IQANK1: variants seen among roughly 807,000 people sequenced by gnomAD.
IQANK1 encodes the protein IQ motif and ankyrin repeat containing 1, also known as IQ motif and ankyrin repeat domain-containing protein 1.
IQANK1 carries 30 observed loss-of-function variants against 22.6 expected under a neutral mutation model. The observed-to-expected ratio is 1.33, with a 90% CI of 0.99 to 1.80. The LOEUF is 1.80. Ranked by LOEUF, IQANK1 falls within the 40% of genes most tolerant of loss-of-function variation. IQANK1 has a pLI of 0.00. For missense variants in IQANK1, 275 were observed against 235.2 expected (o/e 1.17, Z -1.11); for synonymous variants, 122 against 99.6 (o/e 1.23, Z -1.34).
chr8:143,785,562 ATTTT>A, intron 7 of IQANK1, among the ~76,000 whole-genome samples: 1 of 136,434 alleles, frequency 7.3e-6, no homozygotes, highest in Non-Finnish European at 1.6e-5. Flanking sequence ...AGCCTTTTTT[ATTTT>A]TTATTTTCTT....
intron 7 of IQANK1, among the ~76,000 whole-genome samples, chr8:143,777,806 C>T (rs1208583416): frequency 1.3e-5 from 2 of 152,102 alleles, no homozygotes; most frequent in Non-Finnish European, 2.9e-5. Flanking sequence ...AAAAGAACCA[C>T]TGGGACCAGT....
rs1554625612 is a variant in IQANK1, at chr8:143,735,956, C to T, written c.85+18C>T. 1.4e-6 allele frequency: 1 copy of T among 702,500 alleles called. No individual in the cohort carries two copies. The highest frequency in any genetic ancestry group is 2.0e-5 in the Admixed American group (1 of 50,006). 43.5% of individuals were successfully genotyped at this position (702,500 alleles called of 1,614,324 possible). A position where few individuals can be genotyped will look rare whatever the true frequency, so the allele number is the denominator to read the frequency against. On this transcript the variant is annotated intron_variant, in intron 2 of 13. Coordinates refer to ENST00000527139, the MANE Select transcript of IQANK1 (RefSeq NM_001381874.1). The surrounding 1 kb of genome is among the most constrained non-coding windows in gnomAD (Gnocchi z 5.2). ...TGCTGCTGGTAAGTGCACCCTCTGA[C>T]CTCCAGAGCACTGTCACCCAGACAC...
intron 3 of IQANK1, chr8:143,744,577 A>G (rs1818991662): frequency 6.6e-6 from 1 of 152,076 alleles, no homozygotes; most frequent in Non-Finnish European, 1.5e-5. Flanking sequence ...TCCATCACCC[A>G]CGGTCATTAT....
chr8:143,767,702 C>A (rs1554629341), intron 3 of IQANK1, among the ~76,000 whole-genome samples: 1 of 151,584 alleles, frequency 6.6e-6, no homozygotes, highest in East Asian at 2.0e-4. Flanking sequence ...ATAGTCATGA[C>A]TTTTCTTTCA....
At chr8:143,787,339 T>TC (rs1819909646) in intron 7 of IQANK1, among the ~76,000 whole-genome samples, 1 of 152,140 alleles carries the variant, frequency 6.6e-6, no homozygotes. Context: ...AGCCTGTGGA[T>TC]CCATCAGGTG....
chr8:143,749,130 TATG>T (rs1192127017), intron 3 of IQANK1, among the ~76,000 whole-genome samples: 2 of 123,142 alleles, frequency 1.6e-5, no homozygotes, highest in Admixed American at 9.4e-5. Context: ...ATATAGCATA[TATG>T]ATATATATCA....
rs4875053 is a variant in IQANK1 at position 143,790,241 on chromosome 8, C to G, written c.1394C>G (p.Thr465Arg). 590,979 of 1,231,980 alleles carry G rather than the reference C, an allele frequency of 0.48. 151,074 individuals carry two copies. The highest frequency in any genetic ancestry group is 1 in the East Asian group (31,633 of 31,696). The allele number at this position is 1,231,980 out of a possible 1,614,324, so 76.3% of individuals were successfully genotyped here. Residue 465 changes from threonine to arginine, a missense_variant, in exon 13 of 14, where the codon ACG becomes AGG. Thr to Arg is a moderately conservative substitution (Grantham distance 71). Coordinates refer to ENST00000527139, the MANE Select transcript of IQANK1 (RefSeq NM_001381874.1). ...TVNPEPLRPETMWLALLGALR... is the reference protein window; with the variant it reads ...TVNPEPLRPERMWLALLGALR... ...AACCCGGAGCCCCTGAGGCCGGAGA[C>G]GATGTGGCTGGCTCTGCTGGGGGCT... is the stretch of plus-strand genomic sequence containing the variant.
In IQANK1 at chr8:143,774,837, G is replaced by T. The variant is rs138663911; in HGVS notation, c.789+2355G>T. Among the ~76,000 whole-genome samples, 398 of 152,316 alleles carry T rather than the reference G, an allele frequency of 2.6e-3. 1 individual carries two copies. The highest frequency in any genetic ancestry group is 4.7e-3 in the Non-Finnish European group (318 of 68,028). On this transcript the variant is annotated intron_variant, in intron 7 of 13. Coordinates refer to ENST00000527139, the MANE Select transcript of IQANK1 (RefSeq NM_001381874.1). The surrounding 1 kb of genome is among the most constrained non-coding windows in gnomAD (Gnocchi z 4.2). Reference sequence around the variant, plus strand: ...TGGCAATAAAACGGTGTGCACACATGATCCATGCAACAACTAGCAACGTGG... The same window carrying T: ...TGGCAATAAAACGGTGTGCACACATTATCCATGCAACAACTAGCAACGTGG...
At chr8:143,742,464 T>C (rs572315472) in intron 3 of IQANK1, 17 of 456,042 alleles carry the variant, frequency 3.7e-5, no homozygotes, top group Middle Eastern at 3.3e-4. Flanking sequence ...GCGAATGCGA[T>C]GTAGACACTT....
rs117286396 is a variant in IQANK1 at position 143,737,333 on chromosome 8, A to G, written c.85+1395A>G. ...CTTCGCCCTGCACCGCAGCCCATACACTGCCCTGGACGGCTCTGGCCCAGC... is the reference window on the plus strand; with the variant it reads ...CTTCGCCCTGCACCGCAGCCCATACGCTGCCCTGGACGGCTCTGGCCCAGC... On this transcript the variant is annotated intron_variant, in intron 2 of 13. Transcript: ENST00000527139. Among the ~76,000 whole-genome samples the G allele has an allele frequency of 4.6e-3, 700 of 152,262 alleles. 10 individuals are homozygous for G. The highest frequency in any genetic ancestry group is 0.038 in the East Asian group (199 of 5,172).
intron 3 of IQANK1, among the ~76,000 whole-genome samples, chr8:143,766,905 G>T (rs1427554731): frequency 6.6e-6 from 1 of 152,140 alleles, no homozygotes; most frequent in African/African-American, 2.4e-5. Context: ...TCCTCATACG[G>T]GTTTCTGATT....
intron 3 of IQANK1, among the ~76,000 whole-genome samples, chr8:143,746,568 A>C (rs1308353894): frequency 1.3e-5 from 2 of 152,040 alleles, no homozygotes; most frequent in Non-Finnish European, 2.9e-5. Flanking sequence ...TTTTTTGTAG[A>C]GATGGGTTCT....
At chr8:143,754,726 C>T (rs1234272211) in intron 3 of IQANK1, among the ~76,000 whole-genome samples, 29 of 152,122 alleles carry the variant, frequency 1.9e-4, no homozygotes, top group Admixed American at 6.5e-5. Context: ...TCTGGGTTCA[C>T]GACATTCTCC....
chr8:143,776,379 G>A (rs1335828668), intron 7 of IQANK1, among the ~76,000 whole-genome samples: 6 of 150,384 alleles, frequency 4.0e-5, no homozygotes, highest in African/African-American at 9.8e-5. Flanking sequence ...GAGCAAAAAC[G>A]TCTGATTTAT....
chr8:143,740,957 C>G (rs1818895196), intron 3 of IQANK1, among the ~76,000 whole-genome samples: 1 of 152,212 alleles, frequency 6.6e-6, no homozygotes, highest in Admixed American at 6.5e-5. Flanking sequence ...CAAGAGGCAG[C>G]TATGAGAGGA....
At position 143,772,482 on chromosome 8, in the gene IQANK1, G is replaced by A. The variant is rs1554629891; in HGVS notation, c.789G>A (p.Arg263=). The A allele has an allele frequency of 2.5e-6, 1 of 399,184 alleles. No homozygotes were observed. The highest frequency in any genetic ancestry group is 2.1e-5 in the African/African-American group (1 of 48,640). 24.7% of individuals were successfully genotyped at this position (399,184 alleles called of 1,614,324 possible). A position where few individuals can be genotyped will look rare whatever the true frequency, so the allele number is the denominator to read the frequency against. ...VYAEDGSTPE[R]VASLDTVVSV... ...CAGAGGACGGGAGCACCCCTGAGCG[G>A]GTGTGGACCCCAGAGGTGTGGGCCC... is the stretch of plus-strand genomic sequence containing the variant. The change falls in exon 7 of 14, where the codon CGG becomes CGA. Residue 263 remains arginine, a splice_region_variant and synonymous_variant. Coordinates refer to ENST00000527139, the MANE Select transcript of IQANK1 (RefSeq NM_001381874.1).
chr8:143,749,301 TA>T (rs1369159302), intron 3 of IQANK1, among the ~76,000 whole-genome samples: 4 of 111,172 alleles, frequency 3.6e-5, no homozygotes, highest in African/African-American at 7.5e-5. Flanking sequence ...ATATAATATA[TA>T]AAAATATAAA....
At chr8:143,765,662 T>G (rs1367716526) in intron 3 of IQANK1, among the ~76,000 whole-genome samples, 1 of 152,246 alleles carries the variant, frequency 6.6e-6, no homozygotes, top group Non-Finnish European at 1.5e-5. Flanking sequence ...TTATATGGTT[T>G]TTCACTTTTG....
intron 3 of IQANK1, among the ~76,000 whole-genome samples, chr8:143,748,805 A>AAATATATATT (rs1563770422): frequency 2.6e-4 from 22 of 83,734 alleles, no homozygotes; most frequent in African/African-American, 6.2e-4. Context: ...ATAAATATAT[A>AAATATATATT]TCATATAAAT....
Sources: allele counts gnomAD v4.1 joint callset (sites outside exome capture counted in the v4.1 genomes callset), GRCh38; gene constraint gnomAD v4.1.1; non-coding constraint Gnocchi (gnomAD v3.1); transcripts MANE v1.5; gene names NCBI Gene and HGNC (gene_info 2026-07-23, HGNC 2026-07-21).